CREB5: variants seen among roughly 807,000 people sequenced by gnomAD.
CREB5 encodes cAMP responsive element binding protein 5.
A neutral mutation model predicts 57.1 loss-of-function variants in CREB5; 19 were observed. The ratio of observed to expected loss-of-function variants is 0.33; its 90% CI spans 0.23 to 0.49. CREB5 has a LOEUF of 0.49. Ranked by LOEUF, CREB5 falls within the 20% of genes least tolerant of loss-of-function variation. CREB5 has a pLI of 0.99. For missense variants in CREB5, 579 were observed against 671.6 expected (o/e 0.86, Z 1.52); for synonymous variants, 238 against 238.3 (o/e 1.00, Z 0.01).
intron 1 of CREB5, among the ~76,000 whole-genome samples, chr7:28,395,121 C>T (rs1402179242): frequency 6.6e-6 from 1 of 152,096 alleles, no homozygotes; most frequent in Non-Finnish European, 1.5e-5. Flanking sequence ...CTAAATCTTC[C>T]TTGGAAAATT....
At chr7:28,436,910 C>G (rs1285068217) in intron 1 of CREB5, among the ~76,000 whole-genome samples, 2 of 152,112 alleles carry the variant, frequency 1.3e-5, no homozygotes, top group Non-Finnish European at 2.9e-5. Flanking sequence ...GAATTGTGTA[C>G]TATGCTCTTG....
intron 7 of CREB5, among the ~76,000 whole-genome samples, chr7:28,737,851 T>A (rs974392566): frequency 1.3e-5 from 2 of 152,090 alleles, no homozygotes; most frequent in East Asian, 1.9e-4. Context: ...TATACAGCTG[T>A]TACATTGAAT....
intron 5 of CREB5, among the ~76,000 whole-genome samples, chr7:28,647,177 C>T (rs1798921172): frequency 6.6e-6 from 1 of 151,182 alleles, no homozygotes. Flanking sequence ...TGATGGTGGC[C>T]AGTGGCCAGA....
intron 4 of CREB5, among the ~76,000 whole-genome samples, chr7:28,529,119 C>A (rs1158981122): frequency 6.6e-6 from 1 of 152,230 alleles, no homozygotes; most frequent in Non-Finnish European, 1.5e-5. Context: ...AAAGCTATGA[C>A]CTGGAGCACA....
intron 4 of CREB5, among the ~76,000 whole-genome samples, chr7:28,560,883 C>CGTGTGT (rs1254268339): frequency 0.018 from 304 of 17,236 alleles, 19 homozygotes; most frequent in Non-Finnish European, 0.027. Context: ...CGCGTGCGTG[C>CGTGTGT]GTGCGTGTGT....
In CREB5 at chr7:28,528,088, G is replaced by A. The variant is rs549370609; in HGVS notation, c.291+20351G>A. Among the ~76,000 whole-genome samples the A allele has an allele frequency of 1.3e-3, 197 of 152,330 alleles. 2 individuals carry two copies. The highest frequency in any genetic ancestry group is 0.01 in the Middle Eastern group (3 of 294). On this transcript the variant is annotated intron_variant, in intron 4 of 10. Transcript: ENST00000357727. ...ATAGAATATACTTACTAAATGGAAA[G>A]CATGTTTTGTTTAGTTCAGGCCAGA...
chr7:28,585,922 AT>A (rs1796289715), intron 5 of CREB5, among the ~76,000 whole-genome samples: 1 of 152,180 alleles, frequency 6.6e-6, no homozygotes, highest in Non-Finnish European at 1.5e-5. Context: ...AGGGAAGTGT[AT>A]TTACCTTTGA....
chr7:28,773,265 A>G (rs1806435769), intron 7 of CREB5, among the ~76,000 whole-genome samples: 2 of 152,092 alleles, frequency 1.3e-5, no homozygotes, highest in Non-Finnish European at 2.9e-5. Flanking sequence ...AATTTTTTCA[A>G]AGCTAGGACC....
intron 6 of CREB5, 35 bp downstream of exon 6, chr7:28,718,914 A>G: frequency 6.2e-7 from 1 of 1,613,354 alleles, no homozygotes; most frequent in Non-Finnish European, 8.5e-7. Flanking sequence ...ATAGCTTGTC[A>G]CTTGCACTGA....
At chr7:28,658,005 C>T (rs1390070747) in intron 5 of CREB5, among the ~76,000 whole-genome samples, 1 of 152,180 alleles carries the variant, frequency 6.6e-6, no homozygotes, top group Non-Finnish European at 1.5e-5. Context: ...TGAGCAGGCA[C>T]ATTATAGTCT....
At chr7:28,389,392 A>G (rs1183421667) in intron 1 of CREB5, among the ~76,000 whole-genome samples, 1 of 152,046 alleles carries the variant, frequency 6.6e-6, no homozygotes, top group Non-Finnish European at 1.5e-5. Flanking sequence ...ACGTGCACAA[A>G]CACACACACA....
chr7:28,580,429 C>CCACACACACACACACACACACACA (rs70977058), intron 5 of CREB5, among the ~76,000 whole-genome samples: 13 of 130,966 alleles, frequency 9.9e-5, no homozygotes, highest in Admixed American at 5.2e-4. Context: ...TCCCCCCCCA[C>CCACACACACACACACACACACACA]CACACACACA....
intron 5 of CREB5, among the ~76,000 whole-genome samples, chr7:28,691,758 A>G (rs578033011): frequency 9.9e-5 from 15 of 152,170 alleles, no homozygotes; most frequent in Non-Finnish European, 1.6e-4. Flanking sequence ...CTTAGTAAGC[A>G]TTGGTCAGGA....
At chr7:28,367,245 A>G (rs1786606359) in intron 1 of CREB5, among the ~76,000 whole-genome samples, 1 of 152,104 alleles carries the variant, frequency 6.6e-6, no homozygotes, top group Non-Finnish European at 1.5e-5. Flanking sequence ...CCATAGGTTA[A>G]TGGTCTTCCT....
In CREB5 at chr7:28,822,984, C is replaced by T. The variant is rs1419523579; in HGVS notation, c.*3705C>T. 6.6e-6 allele frequency: 1 copy of T among 152,604 alleles called. No homozygotes were observed. Among genetic ancestry groups the T allele is most frequent in the Non-Finnish European group, 1.5e-5 (1 of 68,032 alleles). 9.5% of individuals were successfully genotyped at this position (152,604 alleles called of 1,614,324 possible). Reference sequence around the variant, plus strand: ...ATTAGGGTGACTTAGAGCAAATACTCTTCAGATCCTATGTAGTCAGTGAAA... The same window carrying T: ...ATTAGGGTGACTTAGAGCAAATACTTTTCAGATCCTATGTAGTCAGTGAAA... On this transcript the variant is annotated 3_prime_UTR_variant, in exon 11 of 11. Transcript: ENST00000357727.
intron 5 of CREB5, among the ~76,000 whole-genome samples, chr7:28,613,680 T>C (rs1797488157): frequency 6.6e-6 from 1 of 152,236 alleles, no homozygotes; most frequent in African/African-American, 2.4e-5. Flanking sequence ...TGATATTTCA[T>C]GATATTTGGA....
At chr7:28,368,463 C>T (rs1195657246) in intron 1 of CREB5, among the ~76,000 whole-genome samples, 2 of 152,042 alleles carry the variant, frequency 1.3e-5, no homozygotes, top group Non-Finnish European at 2.9e-5. Context: ...TGGTCTGGGC[C>T]CTGCCTACCT....
At chr7:28,450,297 A>G (rs558886623) in intron 1 of CREB5, among the ~76,000 whole-genome samples, 4 of 152,338 alleles carry the variant, frequency 2.6e-5, no homozygotes, top group Non-Finnish European at 2.9e-5. Flanking sequence ...GTTTTGAATC[A>G]TGGACATCTG....
intron 7 of CREB5, among the ~76,000 whole-genome samples, chr7:28,736,547 T>C (rs1803990446): frequency 6.6e-6 from 1 of 152,174 alleles, no homozygotes; most frequent in African/African-American, 2.4e-5. Context: ...GTGTCCTCAT[T>C]TTTGTAGACA....
Sources: allele counts gnomAD v4.1 joint callset (sites outside exome capture counted in the v4.1 genomes callset), GRCh38; gene constraint gnomAD v4.1.1; transcripts MANE v1.5; gene names NCBI Gene and HGNC (gene_info 2026-07-23, HGNC 2026-07-21).